Variants in PRKCB observed in about 807,000 individuals in gnomAD.
PRKCB encodes protein kinase C beta type.
PRKCB carries 13 observed loss-of-function variants against 81.5 expected under a neutral mutation model. The ratio of observed to expected loss-of-function variants is 0.16; its 90% confidence interval spans 0.10 to 0.25. The LOEUF (loss-of-function observed/expected upper bound fraction) is 0.25. PRKCB is among the 10% of genes least tolerant of loss of function. The pLI is 1.00. For missense variants in PRKCB, 509 were observed against 875.7 expected (o/e 0.58, Z 5.29); for synonymous variants, 335 against 321.4 (o/e 1.04, Z -0.45).
chr16:23,934,021 T>TCATCCAGC (rs1964022283), intron 2 of PRKCB, among the ~76,000 whole-genome samples: 1 of 142,378 alleles, frequency 7.0e-6, no homozygotes, highest in South Asian at 2.3e-4. Context: ...TTCTACCCAC[T>TCATCCAGC]CATCCATCCA....
intron 8 of PRKCB, 51 bp from the exon 9 acceptor site, chr16:24,123,784 A>G: frequency 6.3e-7 from 1 of 1,596,086 alleles, no homozygotes; most frequent in Non-Finnish European, 8.5e-7. Context: ...GCCTTCCTAC[A>G]AGATCGTCCT....
intron 5 of PRKCB, among the ~76,000 whole-genome samples, chr16:24,046,411 A>G (rs1596526791): frequency 3.3e-5 from 5 of 152,232 alleles, no homozygotes; most frequent in Admixed American, 3.3e-4. Context: ...ATGAAGAGGA[A>G]GCAAACAAAA....
chr16:24,027,933 C>A (rs1965503200), intron 3 of PRKCB, among the ~76,000 whole-genome samples: 1 of 152,016 alleles, frequency 6.6e-6, no homozygotes, highest in African/African-American at 2.4e-5. Flanking sequence ...CTATGTCTGG[C>A]TTTAATACAT....
At chr16:23,871,858 GTTTTTT>G (rs61498403) in intron 2 of PRKCB, among the ~76,000 whole-genome samples, 2,374 of 146,794 alleles carry the variant, frequency 0.016, 27 homozygotes, top group African/African-American at 0.031. Context: ...AGTTATACAG[GTTTTTT>G]TTTTTTTTTT....
chr16:23,875,503 A>ATATATATATATATATAT (rs1567298294), intron 2 of PRKCB, among the ~76,000 whole-genome samples: 9 of 28,946 alleles, frequency 3.1e-4, no homozygotes, highest in African/African-American at 1.1e-3. Flanking sequence ...ATATATATAT[A>ATATATATATATATATAT]TATGATGTAT....
At chr16:23,917,589 C>G (rs139009782) in intron 2 of PRKCB, among the ~76,000 whole-genome samples, 83 of 152,362 alleles carry the variant, frequency 5.4e-4, no homozygotes, top group African/African-American at 2.0e-3. Context: ...TTGGCCTCCA[C>G]AGGCCTGAGT....
intron 2 of PRKCB, among the ~76,000 whole-genome samples, chr16:23,859,885 A>AGGGAG (rs1962633847): frequency 6.8e-6 from 1 of 146,280 alleles, no homozygotes. Context: ...GAGAGAGAGA[A>AGGGAG]AGAGAGAGAG....
chr16:24,110,360 T>A (rs1384648040), intron 7 of PRKCB, among the ~76,000 whole-genome samples: 4 of 151,566 alleles, frequency 2.6e-5, no homozygotes, highest in African/African-American at 9.7e-5. Context: ...TACGGGCGCG[T>A]GCCACCATGC....
rs549498000 is a variant in PRKCB at position 23,881,266 on chromosome 16, T to C, written c.205+43860T>C. On this transcript the variant is annotated intron_variant, in intron 2 of 16. Transcript: ENST00000643927. ...TCTCTTTTCCCAGTTTTTTTTTTTT[T>C]TTTTGAGACAGAGTCTCGCTCTGTT... is the stretch of plus-strand genomic sequence containing the variant. Among the ~76,000 whole-genome samples the C allele has an allele frequency of 3.1e-3, 464 of 151,436 alleles. 2 individuals are homozygous for C. Among genetic ancestry groups the C allele is most frequent in the African/African-American group, 0.01 (417 of 41,220 alleles).
chr16:23,889,766 T>C (rs1963263118), intron 2 of PRKCB, among the ~76,000 whole-genome samples: 1 of 152,262 alleles, frequency 6.6e-6, no homozygotes, highest in Non-Finnish European at 1.5e-5. Flanking sequence ...GAGGCTGTAG[T>C]ATGTGAGAAA....
At chr16:23,933,181 A>G (rs1270432213) in intron 2 of PRKCB, among the ~76,000 whole-genome samples, 1 of 152,196 alleles carries the variant, frequency 6.6e-6, no homozygotes, top group African/African-American at 2.4e-5. Context: ...AGTTTGGGTC[A>G]TGTAGGAAAG....
intron 12 of PRKCB, among the ~76,000 whole-genome samples, chr16:24,177,981 A>C (rs1967560736): frequency 6.6e-6 from 1 of 152,190 alleles, no homozygotes; most frequent in African/African-American, 2.4e-5. Flanking sequence ...TGGAAATGGT[A>C]AAAAATAAAT....
chr16:24,158,825 A>G (rs187928317), intron 10 of PRKCB, among the ~76,000 whole-genome samples: 85 of 152,070 alleles, frequency 5.6e-4, no homozygotes, highest in African/African-American at 1.9e-3. Flanking sequence ...CGCCCAGTTA[A>G]TATTTAAAAA....
intron 2 of PRKCB, among the ~76,000 whole-genome samples, chr16:23,935,667 G>A (rs551495988): frequency 1.1e-4 from 17 of 152,280 alleles, no homozygotes; most frequent in Admixed American, 1.0e-3. Context: ...CAACCCAGGT[G>A]CCCATCAGTG....
At chr16:24,022,684 A>G (rs1186748097) in intron 3 of PRKCB, among the ~76,000 whole-genome samples, 20 of 151,992 alleles carry the variant, frequency 1.3e-4, no homozygotes, top group Admixed American at 3.9e-4. Context: ...TAGTAGAGAC[A>G]GGGTTTCACC....
chr16:23,891,009 GTGTGTGTGTGTGTATATATATAA>G (rs1275786567), intron 2 of PRKCB, among the ~76,000 whole-genome samples: 1 of 128,164 alleles, frequency 7.8e-6, no homozygotes, highest in Non-Finnish European at 1.7e-5. Context: ...ATGCGTGTGT[GTGTGTGTGTGTGTATATATATAA>G]TGTGTGTGTA....
intron 5 of PRKCB, among the ~76,000 whole-genome samples, chr16:24,060,612 G>A (rs180917736): frequency 4.6e-5 from 7 of 152,314 alleles, no homozygotes; most frequent in East Asian, 1.9e-4. Context: ...CAGTATTTCC[G>A]TAGGATTTGC....
intron 8 of PRKCB, among the ~76,000 whole-genome samples, chr16:24,118,967 C>T (rs137879150): frequency 4.6e-5 from 7 of 151,956 alleles, no homozygotes; most frequent in Admixed American, 2.0e-4. Context: ...AACAAGAAGG[C>T]GAAAGAGCTT....
chr16:24,146,883 C>A (rs1286604635), intron 9 of PRKCB, among the ~76,000 whole-genome samples: 1 of 152,114 alleles, frequency 6.6e-6, no homozygotes, highest in Non-Finnish European at 1.5e-5. Flanking sequence ...ATTAAAGTTT[C>A]TGGAAGCTCC....
Sources: allele counts gnomAD v4.1 joint callset (sites outside exome capture counted in the v4.1 genomes callset), GRCh38; gene constraint gnomAD v4.1.1; transcripts MANE v1.5; gene names NCBI Gene and HGNC (gene_info 2026-07-23, HGNC 2026-07-21).